CYTH1: variants seen among roughly 807,000 people sequenced by gnomAD.
CYTH1 encodes the protein cytohesin 1.
CYTH1 carries 18 observed loss-of-function variants against 61.8 expected under a neutral mutation model. That is an observed-to-expected ratio of 0.29 (90% CI 0.20 to 0.43). The LOEUF (loss-of-function observed/expected upper bound fraction) is 0.43, where lower values mean the gene tolerates loss of function less well. CYTH1 is among the 20% of genes least tolerant of loss of function. The pLI, the probability that CYTH1 is intolerant of heterozygous loss-of-function variation, is 1.00. For synonymous variants in CYTH1, 174 were observed against 184.3 expected (o/e 0.94, Z 0.45); for missense variants, 336 against 510.5 (o/e 0.66, Z 3.29).
intron 1 of CYTH1, among the ~76,000 whole-genome samples, chr17:78,765,723 A>C (rs999919712): frequency 1.3e-5 from 2 of 152,246 alleles, no homozygotes; most frequent in South Asian, 2.1e-4. Context: ...GCCACAGCAC[A>C]AGACAGTGGT....
intron 1 of CYTH1, among the ~76,000 whole-genome samples, chr17:78,733,854 C>T (rs897239309): frequency 6.6e-6 from 1 of 152,270 alleles, no homozygotes; most frequent in Non-Finnish European, 1.5e-5. Context: ...CAGGGCTGAA[C>T]TGGCACCCTG....
intron 2 of CYTH1, among the ~76,000 whole-genome samples, chr17:78,708,655 C>T (rs2093094425): frequency 6.6e-6 from 1 of 152,252 alleles, no homozygotes; most frequent in Admixed American, 6.5e-5. Context: ...ACCCAAAGCC[C>T]AGGCTGCAGA....
chr17:78,715,058 A>G (rs1162871267), intron 1 of CYTH1, among the ~76,000 whole-genome samples: 3 of 152,204 alleles, frequency 2.0e-5, no homozygotes, highest in Admixed American at 2.0e-4. Context: ...ACCTGGAAAT[A>G]TAAGCAAAAA....
At chr17:78,692,930 T>C (rs1052587910) in intron 10 of CYTH1, among the ~76,000 whole-genome samples, 7 of 152,112 alleles carry the variant, frequency 4.6e-5, no homozygotes, top group Middle Eastern at 3.2e-3. Flanking sequence ...AGTGTTTCAC[T>C]GGAAGTGAAG....
Position 78,700,551 on chromosome 17 carries a change from G to C in CYTH1, c.438-108C>G. Reference sequence around the variant, plus strand: ...TTTTTCTTTTTTTTTTTGAGATGGAGTCTCACTCTGTCACCCAGGCTGGAG... The same window carrying C: ...TTTTTCTTTTTTTTTTTGAGATGGACTCTCACTCTGTCACCCAGGCTGGAG... On this transcript the variant is annotated intron_variant, in intron 6 of 13. Transcript: ENST00000446868. This position sits in a 1 kb window ranked among gnomAD's most constrained non-coding sequence, Gnocchi z 5.1. The C allele has an allele frequency of 2.5e-6, 2 of 812,872 alleles. No homozygotes were observed. The highest frequency in any genetic ancestry group is 1.8e-5 in the South Asian group (1 of 54,354). 50.4% of individuals were successfully genotyped at this position (812,872 alleles called of 1,614,324 possible).
At chr17:78,767,773 G>A (rs1199638881) in intron 1 of CYTH1, among the ~76,000 whole-genome samples, 1 of 152,116 alleles carries the variant, frequency 6.6e-6, no homozygotes, top group East Asian at 1.9e-4. Context: ...AGGGCCAGGA[G>A]CAAGTCTCGG....
intron 11 of CYTH1, among the ~76,000 whole-genome samples, chr17:78,681,583 T>A (rs1241175633): frequency 6.6e-6 from 1 of 152,054 alleles, no homozygotes; most frequent in African/African-American, 2.4e-5. Context: ...TTGACTCCTG[T>A]CCAGAACAGA....
chr17:78,768,002 C>G (rs2093455926), intron 1 of CYTH1, among the ~76,000 whole-genome samples: 1 of 152,150 alleles, frequency 6.6e-6, no homozygotes, highest in Non-Finnish European at 1.5e-5. Context: ...GAAGCCAGAA[C>G]AGACAAAATG....
chr17:78,734,003 A>G (rs927713931), intron 1 of CYTH1, among the ~76,000 whole-genome samples: 1 of 152,180 alleles, frequency 6.6e-6, no homozygotes, highest in Non-Finnish European at 1.5e-5. Flanking sequence ...TAATCCCAGC[A>G]CTTTGGGAGG....
At chr17:78,736,598 G>A (rs558450975) in intron 1 of CYTH1, 34 of 225,914 alleles carry the variant, frequency 1.5e-4, no homozygotes, top group African/African-American at 5.6e-4. Context: ...ATCCTCACAG[G>A]ATTTCACATA....
intron 13 of CYTH1, 71 bp from the exon 14 acceptor site, chr17:78,676,240 A>T (rs12943069): frequency 0.22 from 329,417 of 1,498,988 alleles, 37,359 homozygotes; most frequent in South Asian, 0.25. Flanking sequence ...CAGGCAGGGG[A>T]TTCTCAGGGG....
intron 1 of CYTH1, among the ~76,000 whole-genome samples, chr17:78,733,401 T>C (rs2093304963): frequency 6.6e-6 from 1 of 152,178 alleles, no homozygotes; most frequent in Non-Finnish European, 1.5e-5. Context: ...CTACCTCGGG[T>C]ACACTACCAA....
chr17:78,782,141 CG>C, intron 1 of CYTH1, 60 bp downstream of exon 1: 1 of 1,251,782 alleles, frequency 8.0e-7, no homozygotes, highest in Non-Finnish European at 1.0e-6. Flanking sequence ...GCCGGACGGC[CG>C]GGCCCGGAGG....
intron 1 of CYTH1, among the ~76,000 whole-genome samples, chr17:78,715,720 A>C (rs2093175112): frequency 6.6e-6 from 1 of 152,150 alleles, no homozygotes; most frequent in Admixed American, 6.5e-5. Context: ...CCTCTGGGCC[A>C]TCAGGGACGC....
At chr17:78,749,461 C>T (rs748077341) in intron 1 of CYTH1, among the ~76,000 whole-genome samples, 1 of 151,602 alleles carries the variant, frequency 6.6e-6, no homozygotes, top group Non-Finnish European at 1.5e-5. Flanking sequence ...CTCCATCCCC[C>T]CTACAAAAAA....
chr17:78,763,887 C>T (rs907461613), intron 1 of CYTH1, among the ~76,000 whole-genome samples: 1 of 152,120 alleles, frequency 6.6e-6, no homozygotes, highest in African/African-American at 2.4e-5. Flanking sequence ...GAGATAGGCA[C>T]ATCACTTGAG....
chr17:78,767,744 G>A (rs1332476554), intron 1 of CYTH1, among the ~76,000 whole-genome samples: 2 of 152,144 alleles, frequency 1.3e-5, no homozygotes, highest in East Asian at 3.9e-4. Flanking sequence ...GAGAGGTCTA[G>A]AGGTAACACC....
chr17:78,760,505 ATG>A (rs1371003376), intron 1 of CYTH1, among the ~76,000 whole-genome samples: 2 of 43,958 alleles, frequency 4.5e-5, no homozygotes, highest in African/African-American at 1.2e-4. Context: ...ATACATATAT[ATG>A]TATATATATG....
chr17:78,693,810 T>G (rs1467570876), intron 10 of CYTH1, among the ~76,000 whole-genome samples: 1 of 152,126 alleles, frequency 6.6e-6, no homozygotes, highest in Non-Finnish European at 1.5e-5. Flanking sequence ...TTTCTGAACA[T>G]GAACCACTCA....
Sources: gnomAD v4.1 joint callset for allele counts (sites outside exome capture counted in the v4.1 genomes callset) on GRCh38, gnomAD v4.1.1 for gene constraint, Gnocchi (gnomAD v3.1) non-coding constraint, MANE v1.5 for transcripts, NCBI Gene and HGNC (gene_info 2026-07-23, HGNC 2026-07-21) for gene names.